INTS6: variants seen among roughly 807,000 people sequenced by gnomAD.
INTS6 encodes the protein integrator complex subunit 6, also known as DEAD box protein.
A neutral mutation model predicts 104.9 loss-of-function variants in INTS6; 16 were observed. That is an observed-to-expected ratio of 0.15 (90% CI 0.10 to 0.23). INTS6 has a LOEUF of 0.23. Ranked by LOEUF, INTS6 falls within the 10% of genes least tolerant of loss-of-function variation. INTS6 has a pLI of 1.00. For missense variants in INTS6, 584 were observed against 1,062.8 expected, an observed-to-expected ratio of 0.55 and a Z score of 6.26; for synonymous variants, 324 against 358.7, an observed-to-expected ratio of 0.90 and a Z score of 1.09.
intron 4 of INTS6, among the ~76,000 whole-genome samples, chr13:51,404,443 A>G (rs1003678931): frequency 9.2e-5 from 14 of 152,126 alleles, no homozygotes; most frequent in African/African-American, 3.4e-4. Flanking sequence ...TAACCAGTTC[A>G]TCTCTATGGC....
intron 7 of INTS6, chr13:51,384,247 CT>C: frequency 6.3e-6 from 1 of 158,216 alleles, no homozygotes; most frequent in East Asian, 1.9e-4. Flanking sequence ...CTAATGTTTC[CT>C]TCCCTATTCC....
chr13:51,357,372 A>G (rs1220633445), downstream of INTS6, among the ~76,000 whole-genome samples: 1 of 152,160 alleles, frequency 6.6e-6, no homozygotes, highest in Non-Finnish European at 1.5e-5. Flanking sequence ...ATTTACTTAT[A>G]GTATGACATC....
chr13:51,387,774 G>C (rs1593691852), intron 6 of INTS6, among the ~76,000 whole-genome samples: 2 of 152,128 alleles, frequency 1.3e-5, no homozygotes, highest in East Asian at 1.9e-4. Context: ...GTTCAAAGGA[G>C]GTCCGCAGCA....
chr13:51,423,007 AT>A, intron 4 of INTS6: 1 of 1,191,802 alleles, frequency 8.4e-7, no homozygotes, highest in Non-Finnish European at 1.1e-6. Context: ...ATCTTAATGT[AT>A]TACAAATGTT....
chr13:51,400,890 T>C (rs1956425327), intron 4 of INTS6, among the ~76,000 whole-genome samples: 1 of 152,198 alleles, frequency 6.6e-6, no homozygotes, highest in Non-Finnish European at 1.5e-5. Context: ...GTTTCACTTA[T>C]TAAATTTTTT....
intron 3 of INTS6, chr13:51,438,929 C>A (rs888357504): frequency 6.6e-6 from 1 of 152,174 alleles, no homozygotes; most frequent in African/African-American, 2.4e-5. Context: ...ATTCAATTAT[C>A]TTCAATTCCT....
chr13:51,353,514 C>T (rs75819185), downstream of INTS6, among the ~76,000 whole-genome samples: 1,321 of 152,264 alleles, frequency 8.7e-3, 21 homozygotes, highest in African/African-American at 0.029. Context: ...GTTACTTGAT[C>T]CAGGATTCAA....
downstream of INTS6, among the ~76,000 whole-genome samples, chr13:51,358,377 C>T (rs1955513483): frequency 6.6e-6 from 1 of 152,100 alleles, no homozygotes; most frequent in South Asian, 2.1e-4. Flanking sequence ...GTTTATACAA[C>T]GTCATGTTTT....
At position 51,444,969 on chromosome 13, in the gene INTS6, T is replaced by C. The variant is rs76379871; in HGVS notation, c.339+6056A>G. ...TTATACCACCATTAAATTAATGCTC[T>C]ATAGGAAATAAATCATATCCATTTT... On this transcript the variant is annotated intron_variant, in intron 3 of 17. Transcript: ENST00000311234. The C allele has an allele frequency of 3.4e-3, 517 of 152,272 alleles. 3 individuals are homozygous for C. Among genetic ancestry groups the C allele is most frequent in the African/African-American group, 0.012 (490 of 41,546 alleles). The allele number at this position is 152,272 out of a possible 1,614,324, so 9.4% of individuals were successfully genotyped here.
intron 13 of INTS6, among the ~76,000 whole-genome samples, chr13:51,375,734 G>GGTGTGT (rs71684515): frequency 0.046 from 6,734 of 147,632 alleles, 418 homozygotes; most frequent in African/African-American, 0.15. Flanking sequence ...TTGATAAGTG[G>GGTGTGT]GTGTGTGTGT....
intron 4 of INTS6, among the ~76,000 whole-genome samples, chr13:51,417,401 T>C (rs766133302): frequency 3.9e-5 from 6 of 152,140 alleles, no homozygotes; most frequent in Non-Finnish European, 8.8e-5. Flanking sequence ...TTTCATTCTC[T>C]TGCATGTGCA....
At chr13:51,382,551 T>G (rs1234219517) in intron 9 of INTS6, among the ~76,000 whole-genome samples, 1 of 152,374 alleles carries the variant, frequency 6.6e-6, no homozygotes, top group South Asian at 2.1e-4. Flanking sequence ...ACCCAGAAAC[T>G]AACTTTAGGC....
At chr13:51,341,325 T>G in the INTS6 span, 1 of 1,605,140 alleles carries the variant, frequency 6.2e-7, no homozygotes, top group Non-Finnish European at 8.5e-7. Context: ...AGCTGGCAGA[T>G]GCCCTGGGGT....
At chr13:51,340,901 G>C in the INTS6 span, 1 of 616,858 alleles carries the variant, frequency 1.6e-6, no homozygotes, top group Non-Finnish European at 2.8e-6. Flanking sequence ...GTGCAGCTCT[G>C]CAGCCCAGAC....
chr13:51,403,288 C>G (rs1286571137), intron 4 of INTS6, among the ~76,000 whole-genome samples: 1 of 152,132 alleles, frequency 6.6e-6, no homozygotes, highest in African/African-American at 2.4e-5. Context: ...TGTACCAACA[C>G]AAGATTTCCC....
In INTS6 at chr13:51,450,953, G is replaced by A. The variant is rs942279950; in HGVS notation, c.339+72C>T. 11 of 1,399,712 alleles carry A rather than the reference G, an allele frequency of 7.9e-6. No individual in the cohort carries two copies. The Admixed American group carries it at 2.8e-4, about 35-fold the overall frequency. 86.7% of individuals were successfully genotyped at this position (1,399,712 alleles called of 1,614,324 possible). ...TTATACTTGCATTTCATGTTATGTA[G>A]TTTTTGGACTGGACTGTGTTTTTCC... On this transcript the variant is annotated intron_variant, in intron 3 of 17. Transcript: ENST00000311234.
At position 51,387,289 on chromosome 13, in the gene INTS6, C is replaced by G. The variant is rs564897498; in HGVS notation, c.894+97G>C. On this transcript the variant is annotated intron_variant, in intron 7 of 17. Coordinates refer to ENST00000311234, the MANE Select transcript of INTS6 (RefSeq NM_012141.3). ...TAGCACTTTGAACATCTGTCTAATC[C>G]CCATAAATTAATCACAGCTTTGACA... The G allele has an allele frequency of 1.2e-4, 132 of 1,128,764 alleles. 1 individual carries two copies. The East Asian group carries it at 3.3e-3, about 28-fold the overall frequency. The allele number at this position is 1,128,764 out of a possible 1,614,324, so 69.9% of individuals were successfully genotyped here. A position where few individuals can be genotyped will look rare whatever the true frequency, so the allele number is the denominator to read the frequency against.
At chr13:51,378,191 TA>T in intron 12 of INTS6, 47 bp downstream of exon 12, 1 of 1,346,952 alleles carries the variant, frequency 7.4e-7, no homozygotes, top group Non-Finnish European at 1.1e-6. Flanking sequence ...ATTTATCCAG[TA>T]ACATAACAGA....
At chr13:51,448,925 G>T (rs1952979297) in intron 3 of INTS6, 1 of 152,060 alleles carries the variant, frequency 6.6e-6, no homozygotes, top group African/African-American at 2.4e-5. Context: ...CAGATACAAA[G>T]TACTTTTACA....
Sources: allele counts gnomAD v4.1 joint callset (sites outside exome capture counted in the v4.1 genomes callset), GRCh38; gene constraint gnomAD v4.1.1; transcripts MANE v1.5; gene names NCBI Gene and HGNC (gene_info 2026-07-23, HGNC 2026-07-21).